The following S100A16 variants were observed in gnomAD, a reference collection of about 807,000 sequenced individuals.
S100A16 encodes S100 calcium binding protein A16.
In S100A16, 8 loss-of-function variants were observed where a neutral mutation model predicts 9.0. The ratio of observed to expected loss-of-function variants is 0.89; its 90% confidence interval spans 0.52 to 1.60. The LOEUF (loss-of-function observed/expected upper bound fraction) is 1.60. S100A16 is among the 40% of genes most tolerant of loss of function. The pLI is 0.00. For synonymous variants in S100A16, 51 were observed against 51.4 expected, an observed-to-expected ratio of 0.99 and a Z score of 0.04; for missense variants, 138 against 132.4, an observed-to-expected ratio of 1.04 and a Z score of -0.21.
At chr1:153,609,210 A>G in intron 1 of S100A16, 1 of 985,466 alleles carries the variant, frequency 1.0e-6, no homozygotes, top group Non-Finnish European at 1.2e-6. Context: ...GATGGACAAA[A>G]CAGGGTCACA....
Position 153,611,917 on chromosome 1 carries a change from T to TCTCACA in S100A16, c.-27+1034_-27+1035insTGTGAG, listed in dbSNP as rs745663701. Among the ~76,000 whole-genome samples the TCTCACA allele has an allele frequency of 4.4e-3, 614 of 140,888 alleles. 5 individuals are homozygous for TCTCACA. Among genetic ancestry groups the TCTCACA allele is most frequent in the African/African-American group, 0.015 (583 of 38,010 alleles). The allele number at this position is 140,888 out of a possible 152,430, so 92.4% of individuals were successfully genotyped here. ...GCGTCTAACTCTCTTTGTCTCTCTC[T>TCTCACA]CACACACACACACACACACACACAC... On this transcript the variant is annotated intron_variant, in intron 1 of 2. Transcript: ENST00000368706.
In S100A16 at chr1:153,607,582, G is replaced by A; in HGVS notation, c.264C>T (p.Gly88=). The A allele has an allele frequency of 6.2e-7, 1 of 1,614,208 alleles. No individual in the cohort carries two copies. Among genetic ancestry groups the A allele is most frequent in the African/African-American group, 1.3e-5 (1 of 75,060 alleles). The part of the protein sequence containing the change: ...EYWTLIGGIT[G]PIAKLIHEQE... ...GCTCATGGATGAGTTTGGCGATGGG[G>A]CCGGTGATGCCGCCTATCAAGGTCC... Residue 88 remains glycine (G), a synonymous_variant, in exon 3 of 3, where the codon GGC becomes GGT. Transcript: ENST00000368706.
At chr1:153,611,895 TCTAA>T (rs1286811713) in intron 1 of S100A16, among the ~76,000 whole-genome samples, 1 of 147,400 alleles carries the variant, frequency 6.8e-6, no homozygotes, top group African/African-American at 2.6e-5. Context: ...GGATTCTGCG[TCTAA>T]CTCTCTTTGT....
Position 153,607,282 on chromosome 1 carries a change from C to A in S100A16, c.*252G>T. 1.7e-6 allele frequency: 1 copy of A among 575,054 alleles called. No homozygotes were observed. The highest frequency in any genetic ancestry group is 2.1e-5 in the South Asian group (1 of 48,524). The allele number at this position is 575,054 out of a possible 1,614,324, so 35.6% of individuals were successfully genotyped here. A position where few individuals can be genotyped will look rare whatever the true frequency, so the allele number is the denominator to read the frequency against. On this transcript the variant is annotated 3_prime_UTR_variant, in exon 3 of 3. Transcript: ENST00000368706. ...CAGGTGAGAAAACTCTTAGGGTCCC[C>A]AGACAGCATTGAGATCTCACAGAGG... is the stretch of plus-strand genomic sequence containing the variant.
intron 1 of S100A16, among the ~76,000 whole-genome samples, chr1:153,610,485 C>T (rs1666808628): frequency 6.6e-6 from 1 of 152,170 alleles, no homozygotes. Context: ...AATACCATGA[C>T]TCAACCCCTG....
At chr1:153,610,800 G>A (rs2101514684) in intron 1 of S100A16, among the ~76,000 whole-genome samples, 1 of 152,070 alleles carries the variant, frequency 6.6e-6, no homozygotes, top group Non-Finnish European at 1.5e-5. Context: ...GACAGGATCT[G>A]CCACCCCACC....
Position 153,607,680 on chromosome 1 carries a change from G to A in S100A16, c.166C>T (p.Arg56Trp), listed in dbSNP as rs370281886. The A allele has an allele frequency of 1.3e-5, 21 of 1,614,036 alleles. No individual in the cohort carries two copies. The highest frequency in any genetic ancestry group is 8.3e-5 in the Admixed American group (5 of 60,004). Reference protein sequence around the residue: ...LNHMLSDTGNRKAADKLIQNL... With the variant: ...LNHMLSDTGNWKAADKLIQNL... ...TGGATGAGCTTATCCGCAGCCTTCC[G>A]GTTCCCTGTGTCCTGGGGAGGAAGC... is the stretch of plus-strand genomic sequence containing the variant. Residue 56 changes from arginine to tryptophan, a missense_variant, in exon 3 of 3, where the codon CGG becomes TGG. Coordinates refer to ENST00000368706, the MANE Select transcript of S100A16 (RefSeq NM_080388.3).
Position 153,608,036 on chromosome 1 carries a change from C to A in S100A16, c.116G>T (p.Arg39Leu), listed in dbSNP as rs368887180. The change falls in exon 2 of 3, where the codon CGC (arginine) becomes CTC (leucine). Residue 39 changes from arginine to leucine, a missense_variant. By Grantham distance (102) the Arg-to-Leu change is moderately radical. Transcript: ENST00000368706. ...GTTCAGCTCTTTCTGGAGCATCTCGCGGAAGCTGCTCTTGCTGATCTTGTT... is the reference window on the plus strand; with the variant it reads ...GTTCAGCTCTTTCTGGAGCATCTCGAGGAAGCTGCTCTTGCTGATCTTGTT... Reference protein sequence around the residue: ...VKNKISKSSFREMLQKELNHM... With the variant: ...VKNKISKSSFLEMLQKELNHM... The A allele has an allele frequency of 3.2e-5, 52 of 1,614,040 alleles. 1 individual carries two copies. The Middle Eastern group carries it at 1.3e-3, about 41-fold the overall frequency.
intron 2 of S100A16, 40 bp downstream of exon 2, chr1:153,607,959 A>G: frequency 6.3e-7 from 1 of 1,596,304 alleles, no homozygotes; most frequent in Non-Finnish European, 8.6e-7. Context: ...AGGGGAGGGA[A>G]GGGGAGAGGG....
At chr1:153,610,749 G>C (rs1029163040) in intron 1 of S100A16, among the ~76,000 whole-genome samples, 4 of 152,076 alleles carry the variant, frequency 2.6e-5, no homozygotes, top group Non-Finnish European at 4.4e-5. Flanking sequence ...GGCAGGCAGG[G>C]ATCGTTATCC....
chr1:153,608,934 G>A, intron 1 of S100A16: 1 of 985,996 alleles, frequency 1.0e-6, no homozygotes. Flanking sequence ...CAGCCCAGCT[G>A]GAGTCGGACT....
chr1:153,611,917 T>TCACACACACACACACACACACACA (rs55729519), intron 1 of S100A16, among the ~76,000 whole-genome samples: 24 of 140,904 alleles, frequency 1.7e-4, no homozygotes, highest in Non-Finnish European at 3.1e-4. Context: ...TGTCTCTCTC[T>TCACACACACACACACACACACACA]CACACACACA....
chr1:153,609,601 T>A (rs1301194091), intron 1 of S100A16, among the ~76,000 whole-genome samples: 1 of 152,236 alleles, frequency 6.6e-6, no homozygotes, highest in Non-Finnish European at 1.5e-5. Context: ...ATGTATTTTC[T>A]GAACCAAGCG....
At chr1:153,612,476 G>A (rs569523529) in intron 1 of S100A16, among the ~76,000 whole-genome samples, 3 of 152,132 alleles carry the variant, frequency 2.0e-5, no homozygotes, top group South Asian at 4.2e-4. Context: ...CTCAGCCCCC[G>A]CCTCCTCTTC....
intron 1 of S100A16, among the ~76,000 whole-genome samples, chr1:153,612,633 T>G (rs1330212981): frequency 6.6e-6 from 1 of 152,068 alleles, no homozygotes; most frequent in African/African-American, 2.4e-5. Flanking sequence ...CCTCTCCTTT[T>G]GGGGAGGATC....
rs1323899185 is a variant in S100A16, at chr1:153,613,023, T to A, written c.-98A>T. 6.6e-6 allele frequency: 1 copy of A among 152,630 alleles called. No homozygotes were observed. 9.5% of individuals were successfully genotyped at this position (152,630 alleles called of 1,614,324 possible). On this transcript the variant is annotated 5_prime_UTR_variant, in exon 1 of 3. Coordinates refer to ENST00000368706, the MANE Select transcript of S100A16 (RefSeq NM_080388.3). ...GCTCTGGCACTGCCAAGCAGCTCCC[T>A]GCGCTCAGCCCAGCCGGGACTCCTC...
rs1666707977 is a variant in S100A16 at position 153,607,184 on chromosome 1, G to A, written c.*350C>T. On this transcript the variant is annotated 3_prime_UTR_variant, in exon 3 of 3. Transcript: ENST00000368706. ...CTCAAGCACCAAGCTGACCTTTGGA[G>A]GTCAGGACGGACCCAGAATCAGGCA... 6 of 435,304 alleles carry A rather than the reference G, an allele frequency of 1.4e-5. No individual in the cohort carries two copies. The highest frequency in any genetic ancestry group is 3.6e-5 in the South Asian group (2 of 55,360). The allele number at this position is 435,304 out of a possible 1,614,324, so 27.0% of individuals were successfully genotyped here. A position where few individuals can be genotyped will look rare whatever the true frequency, so the allele number is the denominator to read the frequency against.
intron 1 of S100A16, 148 bp downstream of exon 1, chr1:153,612,804 G>A (rs1666868041): frequency 6.6e-6 from 1 of 152,290 alleles, no homozygotes; most frequent in Non-Finnish European, 1.5e-5. Context: ...GCCTGTGGGA[G>A]AAAGTTAATA....
Position 153,607,594 on chromosome 1 carries a change from G to C in S100A16, c.252C>G (p.Gly84=). 6.2e-7 allele frequency: 1 copy of C among 1,614,180 alleles called. No homozygotes were observed. The highest frequency in any genetic ancestry group is 8.5e-7 in the Non-Finnish European group (1 of 1,180,002). The change falls in exon 3 of 3, where the codon GGC becomes GGG. Residue 84 remains glycine, a synonymous_variant. Transcript: ENST00000368706. ...GTTTGGCGATGGGGCCGGTGATGCCGCCTATCAAGGTCCAGTACTCATCGA... is the reference window on the plus strand; with the variant it reads ...GTTTGGCGATGGGGCCGGTGATGCCCCCTATCAAGGTCCAGTACTCATCGA... The part of the protein sequence containing the change: ...ISFDEYWTLI[G]GITGPIAKLI...
Sources: gnomAD v4.1 joint callset for allele counts (sites outside exome capture counted in the v4.1 genomes callset) on GRCh38, gnomAD v4.1.1 for gene constraint, MANE v1.5 for transcripts, NCBI Gene and HGNC (gene_info 2026-07-23, HGNC 2026-07-21) for gene names.